The following P2RY6 variants were observed in gnomAD, a reference collection of about 807,000 sequenced individuals.
P2RY6 encodes pyrimidinergic receptor P2Y6.
A neutral mutation model predicts 16.3 loss-of-function variants in P2RY6; 19 were observed. The ratio of observed to expected loss-of-function variants is 1.16; its 90% confidence interval spans 0.81 to 1.71. P2RY6 has a LOEUF of 1.71. Among genes scored for constraint, P2RY6 ranks in the 40% most tolerant of loss-of-function variants. The pLI, the probability that P2RY6 is intolerant of heterozygous loss-of-function variation, is 0.00. For synonymous variants in P2RY6, 184 were observed against 201.5 expected, an observed-to-expected ratio of 0.91 and a Z score of 0.74; for missense variants, 389 against 455.5, an observed-to-expected ratio of 0.85 and a Z score of 1.33.
chr11:73,296,260 T>C (rs1405905878), intron 2 of P2RY6, among the ~76,000 whole-genome samples: 1 of 143,592 alleles, frequency 7.0e-6, no homozygotes, highest in Non-Finnish European at 1.5e-5. Context: ...ATATATATAA[T>C]ATATAAACAA....
intron 1 of P2RY6, among the ~76,000 whole-genome samples, chr11:73,275,798 C>T (rs371224341): frequency 7.9e-5 from 12 of 152,242 alleles, no homozygotes; most frequent in Admixed American, 2.6e-4. Flanking sequence ...TGGAAATCTC[C>T]CCTTCTGACT....
At chr11:73,272,750 C>G (rs1863367986) in intron 1 of P2RY6, among the ~76,000 whole-genome samples, 1 of 152,330 alleles carries the variant, frequency 6.6e-6, no homozygotes, top group South Asian at 2.1e-4. Context: ...TGGAATAGCT[C>G]AGTCAGGATT....
chr11:73,280,604 T>C (rs1313938437), intron 1 of P2RY6, among the ~76,000 whole-genome samples: 1 of 152,148 alleles, frequency 6.6e-6, no homozygotes, highest in African/African-American at 2.4e-5. Flanking sequence ...GGGTTATAGA[T>C]CTTCAGGTAG....
intron 1 of P2RY6, among the ~76,000 whole-genome samples, chr11:73,289,062 C>T (rs113430614): frequency 5.9e-5 from 9 of 152,352 alleles, no homozygotes; most frequent in African/African-American, 1.9e-4. Flanking sequence ...GCCAACAGGT[C>T]CCCTCATCCA....
Position 73,297,411 on chromosome 11 carries a change from C to A in P2RY6, c.893C>A (p.Pro298His). Residue 298 changes from proline to histidine, a missense_variant, in exon 3 of 3, where the codon CCC becomes CAC. Physicochemically the swap from Pro to His is moderately conservative, Grantham distance 77. Transcript: ENST00000540124. ...GCCAGTGCCAACAGCGTGCTGGACC[C>A]CATCCTCTTCTACTTCACCCAGAAG... is the stretch of plus-strand genomic sequence containing the variant. ...PFASANSVLDPILFYFTQKKF... is the reference protein window; with the variant it reads ...PFASANSVLDHILFYFTQKKF... 1.2e-6 allele frequency: 2 copies of A among 1,612,532 alleles called. No homozygotes were observed. Among genetic ancestry groups the A allele is most frequent in the Non-Finnish European group, 1.7e-6 (2 of 1,180,020 alleles).
intron 1 of P2RY6, among the ~76,000 whole-genome samples, chr11:73,288,065 C>A (rs1278759699): frequency 6.6e-6 from 1 of 152,248 alleles, no homozygotes; most frequent in Non-Finnish European, 1.5e-5. Context: ...GAAAGAACCT[C>A]TTGCTAACTT....
At chr11:73,289,536 C>A (rs1591687265) in intron 1 of P2RY6, 1 of 152,382 alleles carries the variant, frequency 6.6e-6, no homozygotes, top group African/African-American at 2.4e-5. Flanking sequence ...AAACCCAGTC[C>A]GGAGGCTGCT....
At chr11:73,288,333 C>T (rs2135735122) in intron 1 of P2RY6, among the ~76,000 whole-genome samples, 1 of 152,290 alleles carries the variant, frequency 6.6e-6, no homozygotes, top group South Asian at 2.1e-4. Flanking sequence ...GGAAGCAGCC[C>T]CAACCCTCAA....
chr11:73,295,623 A>T (rs1338289200), intron 1 of P2RY6, 107 bp from the exon 2 acceptor site: 2 of 204,784 alleles, frequency 9.8e-6, no homozygotes, highest in African/African-American at 4.7e-5. Context: ...CACTCTGGGC[A>T]CTAGGAGGCG....
In P2RY6 at chr11:73,296,695, C is replaced by T; in HGVS notation, c.177C>T (p.Thr59=). ...TCTGCACGTCCCGCCGGGCCCTGAC[C>T]CGCACGGCCGTGTACACCCTAAACC... The part of the protein sequence containing the change: ...TQICTSRRAL[T]RTAVYTLNLA... Residue 59 remains threonine, a synonymous_variant, in exon 3 of 3, where the codon ACC becomes ACT. Transcript: ENST00000540124. 1 of 1,614,028 alleles carries T rather than the reference C, an allele frequency of 6.2e-7. No homozygotes were observed. Among genetic ancestry groups the T allele is most frequent in the South Asian group, 1.1e-5 (1 of 91,086 alleles).
At chr11:73,291,603 G>A (rs1864249465) in intron 1 of P2RY6, among the ~76,000 whole-genome samples, 1 of 152,134 alleles carries the variant, frequency 6.6e-6, no homozygotes, top group South Asian at 2.1e-4. Flanking sequence ...TTTTCTCAGT[G>A]TGATCCAAAC....
intron 1 of P2RY6, among the ~76,000 whole-genome samples, chr11:73,277,836 G>C (rs1314378782): frequency 6.6e-6 from 1 of 152,194 alleles, no homozygotes; most frequent in African/African-American, 2.4e-5. Flanking sequence ...ATCTTCCAAG[G>C]CTGTCTGCTC....
chr11:73,291,331 A>G (rs937832590), intron 1 of P2RY6, among the ~76,000 whole-genome samples: 1 of 152,126 alleles, frequency 6.6e-6, no homozygotes, highest in Non-Finnish European at 1.5e-5. Context: ...ACCTCCCAGG[A>G]GTCCTCAGAG....
chr11:73,268,991 AC>A (rs914945062), upstream of P2RY6, among the ~76,000 whole-genome samples: 39 of 152,268 alleles, frequency 2.6e-4, no homozygotes, highest in African/African-American at 9.4e-4. Context: ...GGTGAGACCC[AC>A]CCAAGGGAGT....
chr11:73,294,369 A>C (rs981890849), intron 1 of P2RY6, among the ~76,000 whole-genome samples: 4 of 152,006 alleles, frequency 2.6e-5, no homozygotes, highest in East Asian at 1.9e-4. Context: ...GGCAGGGAGG[A>C]CTCCGTGAAT....
chr11:73,279,435 G>A (rs1863669851), intron 1 of P2RY6, among the ~76,000 whole-genome samples: 1 of 152,136 alleles, frequency 6.6e-6, no homozygotes, highest in Non-Finnish European at 1.5e-5. Flanking sequence ...TTGGTTCAGG[G>A]TGGTTAGGGA....
At chr11:73,287,202 A>G (rs2027764) in intron 1 of P2RY6, among the ~76,000 whole-genome samples, 32,511 of 152,140 alleles carry the variant, frequency 0.21, 4,547 homozygotes, top group African/African-American at 0.4. Flanking sequence ...GCCCAGGACA[A>G]TGCCTGGAAC....
At chr11:73,287,111 C>T (rs945677912) in intron 1 of P2RY6, among the ~76,000 whole-genome samples, 4 of 152,208 alleles carry the variant, frequency 2.6e-5, no homozygotes, top group African/African-American at 9.6e-5. Context: ...TCTCAGGAAA[C>T]GATGCATCCC....
chr11:73,292,623 C>A (rs1864303130), intron 1 of P2RY6, among the ~76,000 whole-genome samples: 1 of 152,262 alleles, frequency 6.6e-6, no homozygotes, highest in African/African-American at 2.4e-5. Context: ...CCCCCTCTTT[C>A]CCCTGCTGGG....
Sources: gnomAD v4.1 joint callset for allele counts (sites outside exome capture counted in the v4.1 genomes callset) on GRCh38, gnomAD v4.1.1 for gene constraint, MANE v1.5 for transcripts, NCBI Gene and HGNC (gene_info 2026-07-23, HGNC 2026-07-21) for gene names.